APBB1IP: variants seen among roughly 807,000 people sequenced by gnomAD.
APBB1IP encodes the protein amyloid beta A4 precursor protein-binding family B member 1-interacting protein.
In APBB1IP, 27 loss-of-function variants were observed where a neutral mutation model predicts 64.9. The observed-to-expected ratio is 0.42, with a 90% confidence interval of 0.31 to 0.57. The LOEUF (loss-of-function observed/expected upper bound fraction) is 0.57. Ranked by LOEUF, APBB1IP falls within the 20% of genes least tolerant of loss-of-function variation. The probability of loss-of-function intolerance (pLI) is 0.20; values close to 1 mark genes in which losing one functional copy is unlikely to be tolerated. For missense variants in APBB1IP, 812 were observed against 845.5 expected (o/e 0.96, Z 0.49); for synonymous variants, 392 against 331.0 (o/e 1.18, Z -2.00).
intron 2 of APBB1IP, among the ~76,000 whole-genome samples, chr10:26,486,032 C>T (rs920096362): frequency 6.6e-6 from 1 of 151,932 alleles, no homozygotes; most frequent in Non-Finnish European, 1.5e-5. Context: ...GAGTTTGAGA[C>T]CTGCCTGGGC....
At chr10:26,553,084 C>T (rs982381456) in intron 11 of APBB1IP, among the ~76,000 whole-genome samples, 10 of 152,080 alleles carry the variant, frequency 6.6e-5, no homozygotes, top group African/African-American at 2.4e-4. Flanking sequence ...TGCAGTGGCG[C>T]GATCTCAGCT....
At chr10:26,554,957 G>T (rs1467063698) in intron 11 of APBB1IP, among the ~76,000 whole-genome samples, 1 of 152,076 alleles carries the variant, frequency 6.6e-6, no homozygotes, top group Non-Finnish European at 1.5e-5. Flanking sequence ...ATCTGGCAAT[G>T]ACCCTATTTC....
At chr10:26,475,401 C>T (rs901853797) in intron 2 of APBB1IP, among the ~76,000 whole-genome samples, 4 of 152,088 alleles carry the variant, frequency 2.6e-5, no homozygotes, top group South Asian at 2.1e-4. Flanking sequence ...GATTACAGGC[C>T]GGAGCCGCCG....
At chr10:26,443,210 T>C (rs921501188) in intron 2 of APBB1IP, among the ~76,000 whole-genome samples, 8 of 151,662 alleles carry the variant, frequency 5.3e-5, no homozygotes, top group Admixed American at 5.3e-4. Context: ...TCACTTGAGG[T>C]CAGGAGTTCA....
chr10:26,558,952 A>C (rs982076502), intron 11 of APBB1IP, among the ~76,000 whole-genome samples: 26 of 152,282 alleles, frequency 1.7e-4, no homozygotes, highest in African/African-American at 6.3e-4. Context: ...AATAGACAGA[A>C]ATATTCCTTC....
intron 2 of APBB1IP, among the ~76,000 whole-genome samples, chr10:26,460,253 G>A (rs1835573715): frequency 6.6e-6 from 1 of 152,110 alleles, no homozygotes; most frequent in Non-Finnish European, 1.5e-5. Context: ...ATACATGAAG[G>A]ATACACTGTA....
chr10:26,543,380 T>TGG (rs1836721047), intron 11 of APBB1IP, among the ~76,000 whole-genome samples: 1 of 149,394 alleles, frequency 6.7e-6, no homozygotes, highest in Non-Finnish European at 1.5e-5. Flanking sequence ...GGCAGGAGAA[T>TGG]CACTTGAACC....
At chr10:26,565,752 T>C (rs570908449) in intron 14 of APBB1IP, among the ~76,000 whole-genome samples, 78 of 152,308 alleles carry the variant, frequency 5.1e-4, no homozygotes, top group African/African-American at 1.7e-3. Context: ...AAGTGCAATC[T>C]TAAATTTTTC....
intron 2 of APBB1IP, among the ~76,000 whole-genome samples, chr10:26,483,325 TTAC>T (rs1354443293): frequency 1.3e-5 from 2 of 152,080 alleles, no homozygotes; most frequent in African/African-American, 4.8e-5. Flanking sequence ...CTCGATCGAT[TTAC>T]TTATCTCTGG....
chr10:26,535,625 T>C lies in APBB1IP; in HGVS notation c.901-449T>C, dbSNP rs187101868. Among the ~76,000 whole-genome samples, 431 of 152,348 alleles carry C rather than the reference T, an allele frequency of 2.8e-3. 1 individual carries two copies. The highest frequency in any genetic ancestry group is 4.6e-3 in the Non-Finnish European group (313 of 68,020). ...TGTGTAGAATTATATATAATAATTG[T>C]TCTATTTACCAGCAATGAAATGGTA... On this transcript the variant is annotated intron_variant, in intron 9 of 14. Coordinates refer to ENST00000376236, the MANE Select transcript of APBB1IP (RefSeq NM_019043.4).
rs994530433 is a variant in APBB1IP at position 26,531,680 on chromosome 10, G to A, written c.814-1759G>A. Among the ~76,000 whole-genome samples, 9 of 146,002 alleles carry A rather than the reference G, an allele frequency of 6.2e-5. No homozygotes were observed. The South Asian group carries it at 6.6e-4, about 11-fold the overall frequency. ...AGACCCCGTCTCAAAAAAAAAAAAA[G>A]TTAGCAAATCACCTTTTTTATGCAT... On this transcript the variant is annotated intron_variant, in intron 8 of 14. Coordinates refer to ENST00000376236, the MANE Select transcript of APBB1IP (RefSeq NM_019043.4).
intron 7 of APBB1IP, among the ~76,000 whole-genome samples, chr10:26,513,322 A>G (rs1836284142): frequency 6.6e-6 from 1 of 152,206 alleles, no homozygotes; most frequent in African/African-American, 2.4e-5. Flanking sequence ...TCACTGTGTT[A>G]TGGGTTTTTT....
chr10:26,509,175 T>C (rs1230325353), intron 6 of APBB1IP, among the ~76,000 whole-genome samples: 1 of 152,242 alleles, frequency 6.6e-6, no homozygotes, highest in African/African-American at 2.4e-5. Context: ...TAAGGTCAGA[T>C]GAATGGATCT....
intron 2 of APBB1IP, among the ~76,000 whole-genome samples, chr10:26,441,538 C>T (rs78095280): frequency 0.038 from 5,751 of 152,124 alleles, 335 homozygotes; most frequent in African/African-American, 0.13. Flanking sequence ...ATTTGTGATC[C>T]CAAAATGAGG....
intron 14 of APBB1IP, among the ~76,000 whole-genome samples, chr10:26,564,912 CTGAAGCTG>C (rs1178093848): frequency 3.9e-4 from 59 of 152,288 alleles, no homozygotes; most frequent in South Asian, 1.0e-3. Flanking sequence ...ACTGCCTTCC[CTGAAGCTG>C]TGAGGCCAGC....
chr10:26,470,566 G>A (rs978334635), intron 2 of APBB1IP, among the ~76,000 whole-genome samples: 2 of 151,974 alleles, frequency 1.3e-5, no homozygotes, highest in Admixed American at 6.6e-5. Context: ...AAATATGTTC[G>A]TTAGATGATT....
intron 3 of APBB1IP, among the ~76,000 whole-genome samples, chr10:26,495,792 T>A (rs1206039507): frequency 3.3e-5 from 5 of 150,204 alleles, no homozygotes; most frequent in African/African-American, 1.2e-4. Flanking sequence ...AAGGAAAAAT[T>A]TTACTACGAC....
intron 8 of APBB1IP, among the ~76,000 whole-genome samples, chr10:26,516,219 T>C (rs146491792): frequency 1.3e-5 from 2 of 152,056 alleles, no homozygotes; most frequent in African/African-American, 4.8e-5. Flanking sequence ...AAACAGTCTG[T>C]GGTCTGTGCC....
chr10:26,518,523 G>T (rs1400499891), intron 8 of APBB1IP, among the ~76,000 whole-genome samples: 1 of 152,144 alleles, frequency 6.6e-6, no homozygotes, highest in Non-Finnish European at 1.5e-5. Flanking sequence ...CTATGACTTA[G>T]CCTCCCATTA....
Sources: gnomAD v4.1 joint callset for allele counts (sites outside exome capture counted in the v4.1 genomes callset) on GRCh38, gnomAD v4.1.1 for gene constraint, MANE v1.5 for transcripts, NCBI Gene and HGNC (gene_info 2026-07-23, HGNC 2026-07-21) for gene names.